The following ADAMTS2 variants were observed in gnomAD, a reference collection of about 807,000 sequenced individuals.
ADAMTS2 encodes ADAM metallopeptidase with thrombospondin type 1 motif 2, also known as A disintegrin and metalloproteinase with thrombospondin motifs 2.
A neutral mutation model predicts 123.0 loss-of-function variants in ADAMTS2; 50 were observed. That is an observed-to-expected ratio of 0.41 (90% CI 0.32 to 0.51). ADAMTS2 has a LOEUF of 0.51. ADAMTS2 is among the 20% of genes least tolerant of loss of function. ADAMTS2 has a pLI of 0.35. For missense variants in ADAMTS2, 1,494 were observed against 1,705.2 expected, an observed-to-expected ratio of 0.88 and a Z score of 2.18; for synonymous variants, 678 against 695.4, an observed-to-expected ratio of 0.98 and a Z score of 0.39.
chr5:179,186,396 G>A (rs1468116307), intron 4 of ADAMTS2, among the ~76,000 whole-genome samples: 1 of 152,146 alleles, frequency 6.6e-6, no homozygotes. Flanking sequence ...AACAGACATG[G>A]GGGGCAGGCA....
At chr5:179,294,960 C>G (rs941913870) in intron 2 of ADAMTS2, among the ~76,000 whole-genome samples, 2 of 152,202 alleles carry the variant, frequency 1.3e-5, no homozygotes, top group Admixed American at 6.5e-5. Flanking sequence ...GCCCTCCTGT[C>G]GCTCTCAACT....
Position 179,152,118 on chromosome 5 carries a change from C to G in ADAMTS2, c.1629+24G>C, listed in dbSNP as rs2303637. ...TCCTGTCCTCTGCCCTGCTGCCCTC[C>G]AAGAGCCCTTGATGCTGCCTCACCT... On this transcript the variant is annotated intron_variant, in intron 10 of 21. Transcript: ENST00000251582. The G allele has an allele frequency of 0.15, 243,251 of 1,602,214 alleles. 23,698 individuals carry two copies. Among genetic ancestry groups the G allele is most frequent in the African/African-American group, 0.48 (35,570 of 74,660 alleles).
At chr5:179,343,700 G>A (rs1254036772) in intron 2 of ADAMTS2, 67 bp downstream of exon 2, 23 of 1,567,386 alleles carry the variant, frequency 1.5e-5, no homozygotes, top group Non-Finnish European at 2.0e-5. Context: ...GGGACTCCCA[G>A]GTAACCCTTT....
At chr5:179,300,602 AC>A (rs1756488753) in intron 2 of ADAMTS2, among the ~76,000 whole-genome samples, 1 of 152,000 alleles carries the variant, frequency 6.6e-6, no homozygotes, top group Non-Finnish European at 1.5e-5. Flanking sequence ...GACAAGCCAG[AC>A]CCCCCTTCAC....
At chr5:179,153,349 A>G in intron 9 of ADAMTS2, 142 bp downstream of exon 9, 1 of 1,322,360 alleles carries the variant, frequency 7.6e-7, no homozygotes, top group East Asian at 2.5e-5. Flanking sequence ...TGGTGGGTGC[A>G]GAGGGACAGG....
intron 10 of ADAMTS2, among the ~76,000 whole-genome samples, chr5:179,146,497 G>A (rs1437072160): frequency 2.6e-5 from 4 of 152,230 alleles, no homozygotes. Context: ...CGCCCTGACT[G>A]CAGTGGCAGC....
intron 4 of ADAMTS2, among the ~76,000 whole-genome samples, chr5:179,203,990 C>T (rs1764622765): frequency 6.6e-6 from 1 of 152,226 alleles, no homozygotes; most frequent in Non-Finnish European, 1.5e-5. Context: ...CCGATCCACC[C>T]ACACACGGGA....
chr5:179,190,685 C>T (rs898387048), intron 4 of ADAMTS2, among the ~76,000 whole-genome samples: 8 of 152,224 alleles, frequency 5.3e-5, no homozygotes, highest in Non-Finnish European at 8.8e-5. Context: ...TCTCTTCACA[C>T]GGACATGCGT....
At chr5:179,192,264 G>A (rs1246663245) in intron 4 of ADAMTS2, among the ~76,000 whole-genome samples, 2 of 152,252 alleles carry the variant, frequency 1.3e-5, no homozygotes, top group African/African-American at 4.8e-5. Flanking sequence ...TAAGGTGAAG[G>A]CTGCAAGAAG....
intron 4 of ADAMTS2, among the ~76,000 whole-genome samples, chr5:179,187,557 C>T (rs968511483): frequency 5.3e-5 from 8 of 152,174 alleles, no homozygotes; most frequent in African/African-American, 1.9e-4. Flanking sequence ...GGCCTGTGAC[C>T]CCTCTCATGG....
intron 2 of ADAMTS2, among the ~76,000 whole-genome samples, chr5:179,322,172 T>C (rs932992051): frequency 1.3e-5 from 2 of 152,352 alleles, no homozygotes; most frequent in African/African-American, 2.4e-5. Context: ...TGAAGGCACA[T>C]ACGACAGTTT....
chr5:179,114,446 G>A lies in ADAMTS2; in HGVS notation c.3179-122C>T, dbSNP rs1762626128. 4.1e-6 allele frequency: 4 copies of A among 974,770 alleles called. No homozygotes were observed. The South Asian group carries it at 4.2e-5, about 10-fold the overall frequency. The allele number at this position is 974,770 out of a possible 1,614,324, so 60.4% of individuals were successfully genotyped here. ...GCCCAGAGACAGCACAGAGGCAAGTGAGCCCAGGCAGAAAGTCTGTGTGGG... is the reference window on the plus strand; with the variant it reads ...GCCCAGAGACAGCACAGAGGCAAGTAAGCCCAGGCAGAAAGTCTGTGTGGG... On this transcript the variant is annotated intron_variant, in intron 21 of 21. Transcript: ENST00000251582.
rs1211361798 is a variant in ADAMTS2 at position 179,175,624 on chromosome 5, T to C, written c.975+5448A>G. Among the ~76,000 whole-genome samples, 3 of 152,262 alleles carry C rather than the reference T, an allele frequency of 2.0e-5. No homozygotes were observed. Among genetic ancestry groups the C allele is most frequent in the African/African-American group, 7.2e-5 (3 of 41,468 alleles). On this transcript the variant is annotated intron_variant, in intron 5 of 21. Transcript: ENST00000251582. This position sits in a 1 kb window ranked among gnomAD's most constrained non-coding sequence, Gnocchi z 4.1. ...GTTCACACAGAAGCTACTGATTTTT[T>C]AAACAATGGTCTGATATTTGGCCAC...
intron 13 of ADAMTS2, among the ~76,000 whole-genome samples, chr5:179,133,200 C>T (rs1039368416): frequency 4.0e-4 from 61 of 152,166 alleles, no homozygotes; most frequent in African/African-American, 1.3e-3. Flanking sequence ...GGGGACTCAT[C>T]GAGGCCCAGG....
In ADAMTS2 at chr5:179,345,437, C is replaced by T. The variant is rs1157478818; in HGVS notation, c.-109G>A. 4.4e-5 allele frequency: 43 copies of T among 982,478 alleles called. No individual in the cohort carries two copies. Among genetic ancestry groups the T allele is most frequent in the Admixed American group, 5.6e-5 (1 of 17,824 alleles). The allele number at this position is 982,478 out of a possible 1,614,324, so 60.9% of individuals were successfully genotyped here. A position where few individuals can be genotyped will look rare whatever the true frequency, so the allele number is the denominator to read the frequency against. On this transcript the variant is annotated 5_prime_UTR_variant, in exon 1 of 22. The change creates a new upstream start codon in the 5' untranslated region. Coordinates refer to ENST00000251582, the MANE Select transcript of ADAMTS2 (RefSeq NM_014244.5). The surrounding 1 kb of genome is among the most constrained non-coding windows in gnomAD (Gnocchi z 7.5). ...GCTGGAGCCGCCCGCAGCTGCAGCA[C>T]CGCAGGGCGCGGGGCGGAGGAGGCG...
chr5:179,208,177 T>C lies in ADAMTS2; in HGVS notation c.689-462A>G, dbSNP rs59756315. On this transcript the variant is annotated intron_variant, in intron 3 of 21. Transcript: ENST00000251582. ...CCACACTGCCCGATGCTGGAGTGGG[T>C]AGAGCCACCTCTTCTCCCCCGAAGG... 0.022 allele frequency among the ~76,000 whole-genome samples: 923 copies of C among 42,432 alleles called. 25 individuals carry two copies. The East Asian group carries it at 0.29, about 13-fold the overall frequency. The allele number at this position is 42,432 out of a possible 152,430, so 27.8% of individuals were successfully genotyped here. A position where few individuals can be genotyped will look rare whatever the true frequency, so the allele number is the denominator to read the frequency against.
In ADAMTS2 at chr5:179,152,185, T is replaced by C; in HGVS notation, c.1586A>G (p.Lys529Arg). Residue 529 changes from lysine to arginine, a missense_variant, in exon 10 of 22, where the codon AAG becomes AGG. Lys to Arg is a conservative substitution (Grantham distance 26). Transcript: ENST00000251582. ...AGTCCCGTCCAAGGGGGGCCCCTTC[T>C]TGGTCTTGCAAAAGTAGGGGTTGTC... ...HPDNPYFCKT[K>R]KGPPLDGTMC... 6.2e-7 allele frequency: 1 copy of C among 1,614,010 alleles called. No individual in the cohort carries two copies. Among genetic ancestry groups the C allele is most frequent in the East Asian group, 2.2e-5 (1 of 44,856 alleles).
intron 3 of ADAMTS2, among the ~76,000 whole-genome samples, chr5:179,238,336 C>T (rs1765579688): frequency 6.6e-6 from 1 of 152,184 alleles, no homozygotes; most frequent in African/African-American, 2.4e-5. Context: ...AGGGACTGCT[C>T]CTGGGAGACC....
chr5:179,127,489 C>A (rs1195109946), intron 17 of ADAMTS2, among the ~76,000 whole-genome samples: 1 of 152,138 alleles, frequency 6.6e-6, no homozygotes, highest in Non-Finnish European at 1.5e-5. Flanking sequence ...CCATCAACTG[C>A]AGACTCTCTG....
Sources: gnomAD v4.1 joint callset for allele counts (sites outside exome capture counted in the v4.1 genomes callset) on GRCh38, gnomAD v4.1.1 for gene constraint, Gnocchi (gnomAD v3.1) non-coding constraint, MANE v1.5 for transcripts, NCBI Gene and HGNC (gene_info 2026-07-23, HGNC 2026-07-21) for gene names.